Variants in PAPOLA observed in about 807,000 individuals in gnomAD.
The protein encoded by PAPOLA is polynucleotide adenylyltransferase alpha.
A neutral mutation model predicts 100.6 loss-of-function variants in PAPOLA; 15 were observed. That is an observed-to-expected ratio of 0.15 (90% CI 0.10 to 0.23). The LOEUF is 0.23. PAPOLA is among the 10% of genes least tolerant of loss of function. The pLI is 1.00. For missense variants in PAPOLA, 533 were observed against 884.2 expected, an observed-to-expected ratio of 0.60 and a Z score of 5.04; for synonymous variants, 293 against 300.0, an observed-to-expected ratio of 0.98 and a Z score of 0.24.
At chr14:96,562,670 G>A (rs1901953371) in intron 20 of PAPOLA, 149 bp from the exon 21 acceptor site, 3 of 552,648 alleles carry the variant, frequency 5.4e-6, no homozygotes, top group Admixed American at 6.0e-5. Flanking sequence ...AACATCTACT[G>A]ACTAGATGTT....
chr14:96,508,566 T>G (rs1896891059), intron 1 of PAPOLA, among the ~76,000 whole-genome samples: 1 of 152,224 alleles, frequency 6.6e-6, no homozygotes. Flanking sequence ...GATAACAACT[T>G]TGAAAATGTT....
chr14:96,534,328 AG>A, intron 9 of PAPOLA, 162 bp from the exon 10 acceptor site: 1 of 1,377,904 alleles, frequency 7.3e-7, no homozygotes, highest in African/African-American at 1.5e-5. Context: ...TAGGAGAAAA[AG>A]ATTTTGAGTA....
chr14:96,520,269 A>G, intron 2 of PAPOLA, 41 bp downstream of exon 2: 1 of 1,500,604 alleles, frequency 6.7e-7, no homozygotes, highest in African/African-American at 1.4e-5. Context: ...GGAAACTTTT[A>G]TTAATGTTGA....
chr14:96,534,773 G>T, intron 10 of PAPOLA: 2 of 1,316,888 alleles, frequency 1.5e-6, no homozygotes, highest in East Asian at 2.7e-5. Flanking sequence ...ACATTTAATT[G>T]TACATAGTTT....
intron 1 of PAPOLA, among the ~76,000 whole-genome samples, chr14:96,516,125 T>C (rs1897441602): frequency 6.6e-6 from 1 of 152,230 alleles, no homozygotes. Flanking sequence ...TGGAAAATCT[T>C]CACTTCCATT....
chr14:96,544,706 G>C (rs925075717), intron 15 of PAPOLA, among the ~76,000 whole-genome samples: 2 of 151,944 alleles, frequency 1.3e-5, no homozygotes. Flanking sequence ...CTTGACTTGC[G>C]CATAATTTCT....
chr14:96,538,033 T>A (rs1899681115), intron 12 of PAPOLA: 1 of 152,058 alleles, frequency 6.6e-6, no homozygotes, highest in Admixed American at 6.6e-5. Flanking sequence ...ACTCTTATTT[T>A]ACTACGAATC....
intron 1 of PAPOLA, among the ~76,000 whole-genome samples, chr14:96,516,702 T>C (rs980191710): frequency 1.3e-5 from 2 of 152,236 alleles, no homozygotes; most frequent in African/African-American, 4.8e-5. Context: ...AAAGTAATAC[T>C]GAGGCTAGAT....
chr14:96,532,117 T>C (rs995114246), intron 7 of PAPOLA: 3 of 1,362,624 alleles, frequency 2.2e-6, no homozygotes, highest in Non-Finnish European at 2.8e-6. Context: ...GTGCTTACAA[T>C]AGGAGATAAA....
intron 3 of PAPOLA, among the ~76,000 whole-genome samples, chr14:96,524,490 TTCCCCTTCCCC>T (rs1233332767): frequency 5.9e-5 from 9 of 151,784 alleles, no homozygotes; most frequent in Non-Finnish European, 1.5e-5. Context: ...CCCCTTCCCG[TTCCCCTTCCCC>T]TTCCCTTCTT....
intron 2 of PAPOLA, among the ~76,000 whole-genome samples, chr14:96,520,446 G>C (rs1897856315): frequency 6.6e-6 from 1 of 152,044 alleles, no homozygotes; most frequent in African/African-American, 2.4e-5. Flanking sequence ...TGTGATCTTG[G>C]CTCACCACAG....
chr14:96,549,216 C>T (rs1341337384), intron 16 of PAPOLA, among the ~76,000 whole-genome samples: 1 of 151,296 alleles, frequency 6.6e-6, no homozygotes, highest in Admixed American at 6.6e-5. Flanking sequence ...GGTCTAAAAT[C>T]AGTTTTTAAG....
At chr14:96,527,609 G>T in intron 5 of PAPOLA, 70 bp downstream of exon 5, 1 of 826,452 alleles carries the variant, frequency 1.2e-6, no homozygotes, top group Non-Finnish European at 2.0e-6. Flanking sequence ...TGAATTTTAT[G>T]ATATAGCCAT....
intron 1 of PAPOLA, among the ~76,000 whole-genome samples, chr14:96,507,824 T>G (rs535501412): frequency 6.6e-6 from 1 of 152,264 alleles, no homozygotes; most frequent in Admixed American, 6.5e-5. Context: ...CAAGATGAAG[T>G]AGACTTTTCA....
At chr14:96,515,250 A>G (rs919281288) in intron 1 of PAPOLA, among the ~76,000 whole-genome samples, 4 of 152,234 alleles carry the variant, frequency 2.6e-5, no homozygotes, top group African/African-American at 9.6e-5. Context: ...TATTCTAAGG[A>G]GAGAAGAGTT....
At chr14:96,535,620 T>C in intron 10 of PAPOLA, 1 of 1,085,910 alleles carries the variant, frequency 9.2e-7, no homozygotes, top group Non-Finnish European at 1.1e-6. Context: ...CAGAACTTTT[T>C]TGTTGTTGTT....
intron 12 of PAPOLA, among the ~76,000 whole-genome samples, chr14:96,539,020 T>A (rs943550514): frequency 6.6e-6 from 1 of 152,100 alleles, no homozygotes. Context: ...GAAAGACTTA[T>A]CAGTGTTCCT....
chr14:96,558,389 G>A (rs923071831), intron 19 of PAPOLA, among the ~76,000 whole-genome samples: 3 of 152,096 alleles, frequency 2.0e-5, no homozygotes, highest in Non-Finnish European at 4.4e-5. Flanking sequence ...TTAGTAAAGT[G>A]TATTTAAGCA....
At chr14:96,539,225 T>G (rs1181851216) in intron 12 of PAPOLA, among the ~76,000 whole-genome samples, 2 of 152,128 alleles carry the variant, frequency 1.3e-5, no homozygotes, top group Non-Finnish European at 2.9e-5. Flanking sequence ...ACCAATGTAT[T>G]CTCTAAGGTG....
Sources: gnomAD v4.1 joint callset for allele counts (sites outside exome capture counted in the v4.1 genomes callset) on GRCh38, gnomAD v4.1.1 for gene constraint, MANE v1.5 for transcripts, NCBI Gene and HGNC (gene_info 2026-07-23, HGNC 2026-07-21) for gene names.